TMEM132D: variants seen among roughly 807,000 people sequenced by gnomAD.
The protein encoded by TMEM132D is transmembrane protein 132D.
TMEM132D carries 21 observed loss-of-function variants against 62.3 expected under a neutral mutation model. That is an observed-to-expected ratio of 0.34 (90% CI 0.24 to 0.49). TMEM132D has a LOEUF of 0.49. TMEM132D is among the 20% of genes least tolerant of loss of function. The pLI is 0.99. For synonymous variants in TMEM132D, 621 were observed against 575.6 expected (o/e 1.08, Z -1.13); for missense variants, 1,346 against 1,402.8 (o/e 0.96, Z 0.65).
chr12:129,103,814 C>T (rs911274807), intron 5 of TMEM132D, among the ~76,000 whole-genome samples: 4 of 144,382 alleles, frequency 2.8e-5, no homozygotes, highest in Non-Finnish European at 6.2e-5. Context: ...GAATAAAATA[C>T]CCAGGAATCC....
At chr12:129,285,974 A>G (rs1431037360) in intron 4 of TMEM132D, among the ~76,000 whole-genome samples, 1 of 152,050 alleles carries the variant, frequency 6.6e-6, no homozygotes, top group Admixed American at 6.5e-5. Flanking sequence ...GATTCAGATA[A>G]GATGCTTTTT....
chr12:129,589,474 A>T (rs918317823), intron 2 of TMEM132D, among the ~76,000 whole-genome samples: 1 of 152,158 alleles, frequency 6.6e-6, no homozygotes, highest in Admixed American at 6.5e-5. Flanking sequence ...ATTGGTACCT[A>T]CCCGCATATG....
At chr12:129,741,441 ATTCC>A (rs940471349) in intron 1 of TMEM132D, among the ~76,000 whole-genome samples, 5 of 152,232 alleles carry the variant, frequency 3.3e-5, no homozygotes, top group African/African-American at 1.2e-4. Flanking sequence ...AGAAAAATGC[ATTCC>A]TTAACCACCT....
chr12:129,388,944 A>T (rs1445533368), intron 3 of TMEM132D, among the ~76,000 whole-genome samples: 1 of 133,748 alleles, frequency 7.5e-6, no homozygotes, highest in African/African-American at 2.6e-5. Context: ...ACACCAATCC[A>T]GCACTGATGA....
chr12:129,546,254 C>G (rs1035171955), intron 2 of TMEM132D, among the ~76,000 whole-genome samples: 5 of 152,038 alleles, frequency 3.3e-5, no homozygotes, highest in Non-Finnish European at 7.4e-5. Context: ...TTGTCATGTA[C>G]CAAAAAAGCT....
chr12:129,617,407 G>T (rs532397847), intron 2 of TMEM132D, among the ~76,000 whole-genome samples: 1 of 152,274 alleles, frequency 6.6e-6, no homozygotes, highest in Non-Finnish European at 1.5e-5. Context: ...TACCCCAGCT[G>T]TTCATCCATG....
chr12:129,778,449 C>G (rs1411860766), intron 1 of TMEM132D, among the ~76,000 whole-genome samples: 1 of 152,142 alleles, frequency 6.6e-6, no homozygotes, highest in Non-Finnish European at 1.5e-5. Flanking sequence ...TCTGGAGACT[C>G]TGCAGCCGTT....
chr12:129,717,997 C>T (rs957847200), intron 1 of TMEM132D, among the ~76,000 whole-genome samples: 5 of 152,166 alleles, frequency 3.3e-5, no homozygotes, highest in Admixed American at 1.3e-4. Context: ...CACGAAGGTG[C>T]GTTGTGTGTT....
intron 1 of TMEM132D, among the ~76,000 whole-genome samples, chr12:129,772,388 A>G (rs1378136911): frequency 1.3e-5 from 2 of 152,240 alleles, no homozygotes; most frequent in East Asian, 3.8e-4. Flanking sequence ...AAGAAATTTA[A>G]GTCATTTAAA....
intron 1 of TMEM132D, among the ~76,000 whole-genome samples, chr12:129,715,162 T>C (rs1271311382): frequency 6.6e-6 from 1 of 152,178 alleles, no homozygotes; most frequent in African/African-American, 2.4e-5. Flanking sequence ...GGCAAAGTCA[T>C]TTTGAGGGAT....
chr12:129,399,788 T>C (rs1307453421), intron 3 of TMEM132D, among the ~76,000 whole-genome samples: 1 of 152,046 alleles, frequency 6.6e-6, no homozygotes, highest in Non-Finnish European at 1.5e-5. Flanking sequence ...TAACATATAT[T>C]GCAAAGCCAT....
intron 4 of TMEM132D, among the ~76,000 whole-genome samples, chr12:129,234,357 A>G (rs1048870139): frequency 6.6e-6 from 1 of 152,204 alleles, no homozygotes; most frequent in East Asian, 1.9e-4. Flanking sequence ...ATTGACGTGC[A>G]AGTAAAGGAT....
intron 3 of TMEM132D, among the ~76,000 whole-genome samples, chr12:129,381,176 C>A (rs866646787): frequency 1.2e-4 from 18 of 152,308 alleles, no homozygotes; most frequent in African/African-American, 4.1e-4. Flanking sequence ...TATTCAAAGC[C>A]ATCGTTGCTG....
intron 3 of TMEM132D, among the ~76,000 whole-genome samples, chr12:129,366,853 G>C (rs1379198447): frequency 1.3e-5 from 2 of 152,202 alleles, no homozygotes; most frequent in Non-Finnish European, 2.9e-5. Flanking sequence ...AGAGAGATGG[G>C]CTGTCAACAG....
intron 2 of TMEM132D, among the ~76,000 whole-genome samples, chr12:129,598,912 T>A (rs1466811666): frequency 6.6e-6 from 1 of 152,208 alleles, no homozygotes; most frequent in Non-Finnish European, 1.5e-5. Context: ...GCCTGGCTGC[T>A]CAGACCATCT....
intron 4 of TMEM132D, among the ~76,000 whole-genome samples, chr12:129,331,000 C>T (rs757182249): frequency 6.6e-6 from 1 of 152,090 alleles, no homozygotes; most frequent in Non-Finnish European, 1.5e-5. Context: ...CAGAATCCTC[C>T]GACTTGCCCG....
chr12:129,608,141 AAGG>A (rs1335832201), intron 2 of TMEM132D, among the ~76,000 whole-genome samples: 1 of 152,224 alleles, frequency 6.6e-6, no homozygotes, highest in Non-Finnish European at 1.5e-5. Context: ...AGTGTGTTTT[AAGG>A]AGTTTTATCT....
intron 3 of TMEM132D, among the ~76,000 whole-genome samples, chr12:129,408,516 G>C (rs1240083626): frequency 6.6e-6 from 1 of 150,728 alleles, no homozygotes; most frequent in Non-Finnish European, 1.5e-5. Flanking sequence ...TAGCAAAGTT[G>C]GGGAGTGCTT....
chr12:129,629,580 AC>A (rs1393703154), intron 2 of TMEM132D, among the ~76,000 whole-genome samples: 1 of 152,092 alleles, frequency 6.6e-6, no homozygotes, highest in East Asian at 1.9e-4. Flanking sequence ...CCATAGAGTT[AC>A]CGATCTTCAA....
Sources: allele counts gnomAD v4.1 joint callset (sites outside exome capture counted in the v4.1 genomes callset), GRCh38; gene constraint gnomAD v4.1.1; transcripts MANE v1.5; gene names NCBI Gene and HGNC (gene_info 2026-07-23, HGNC 2026-07-21).